The following PAPPA variants were observed in gnomAD, a reference collection of about 807,000 sequenced individuals.
The protein encoded by PAPPA is pappalysin-1.
A neutral mutation model predicts 164.0 loss-of-function variants in PAPPA; 60 were observed. The observed-to-expected ratio is 0.37, with a 90% CI of 0.30 to 0.45. PAPPA has a LOEUF of 0.45. PAPPA is among the 20% of genes least tolerant of loss of function. The pLI is 1.00. For synonymous variants in PAPPA, 875 were observed against 814.1 expected, an observed-to-expected ratio of 1.07 and a Z score of -1.27; for missense variants, 1,782 against 2,087.3, an observed-to-expected ratio of 0.85 and a Z score of 2.85.
intron 21 of PAPPA, among the ~76,000 whole-genome samples, chr9:116,383,733 G>T (rs1222078387): frequency 6.6e-6 from 1 of 152,212 alleles, no homozygotes; most frequent in Non-Finnish European, 1.5e-5. Flanking sequence ...GGATTGTCCA[G>T]GATCAGTCAG....
Position 116,359,299 on chromosome 9 carries a change from T to C in PAPPA, c.4348-3293T>C, listed in dbSNP as rs76391988. Among the ~76,000 whole-genome samples the C allele has an allele frequency of 6.6e-3, 1,008 of 152,334 alleles. 10 individuals are homozygous for C. The highest frequency in any genetic ancestry group is 0.023 in the African/African-American group (940 of 41,568). On this transcript the variant is annotated intron_variant, in intron 17 of 21. Coordinates refer to ENST00000328252, the MANE Select transcript of PAPPA (RefSeq NM_002581.5). ...ATGTTATAGGTGTTTGATAATATTA[T>C]TATATGCCTTCAGCTCTCCGTGGAT... is the stretch of plus-strand genomic sequence containing the variant.
At position 116,288,947 on chromosome 9, in the gene PAPPA, T is replaced by C. The variant is rs115503191; in HGVS notation, c.2954-13810T>C. The C allele has an allele frequency of 2.0e-3, 309 of 151,618 alleles. 1 individual carries two copies. The highest frequency in any genetic ancestry group is 7.2e-3 in the African/African-American group (297 of 41,324). The allele number at this position is 151,618 out of a possible 1,614,324, so 9.4% of individuals were successfully genotyped here. A position where few individuals can be genotyped will look rare whatever the true frequency, so the allele number is the denominator to read the frequency against. On this transcript the variant is annotated intron_variant, in intron 9 of 21. Transcript: ENST00000328252. ...CTTAGTCACAACCAGCTATGCCAGA[T>C]TGGGGTAACTGGCTTGGTTTTCATG...
Position 116,399,639 on chromosome 9 carries a change from A to C in PAPPA, c.*3023A>C, listed in dbSNP as rs1416614243. ...TGAGGTGGACAGTCCTCTAAGCCCT[A>C]TTTAGGGAAGCTTTTCCAAGCCACA... On this transcript the variant is annotated 3_prime_UTR_variant, in exon 22 of 22. Coordinates refer to ENST00000328252, the MANE Select transcript of PAPPA (RefSeq NM_002581.5). 5.2e-5 allele frequency: 8 copies of C among 152,570 alleles called. No individual in the cohort carries two copies. Among genetic ancestry groups the C allele is most frequent in the Non-Finnish European group, 1.2e-4 (8 of 68,026 alleles). The allele number at this position is 152,570 out of a possible 1,614,324, so 9.5% of individuals were successfully genotyped here.
chr9:116,313,815 G>C (rs1380448179), intron 10 of PAPPA, among the ~76,000 whole-genome samples: 1 of 152,102 alleles, frequency 6.6e-6, no homozygotes, highest in Non-Finnish European at 1.5e-5. Context: ...CTATTTGTGG[G>C]CATTGGGTTC....
At chr9:116,290,341 A>G (rs545993789) in intron 9 of PAPPA, among the ~76,000 whole-genome samples, 2 of 145,984 alleles carry the variant, frequency 1.4e-5, no homozygotes, top group African/African-American at 2.5e-5. Flanking sequence ...CTCGATCTTC[A>G]TTTTGCTGAT....
chr9:116,343,627 G>A (rs1395496057), intron 13 of PAPPA, among the ~76,000 whole-genome samples: 6 of 152,122 alleles, frequency 3.9e-5, no homozygotes, highest in African/African-American at 1.2e-4. Flanking sequence ...GTTGAGTCTC[G>A]TGGCTATATG....
intron 10 of PAPPA, among the ~76,000 whole-genome samples, chr9:116,330,612 CGTGTGTGTGTAGGG>C (rs1375151571): frequency 6.7e-6 from 1 of 148,446 alleles, no homozygotes; most frequent in Non-Finnish European, 1.5e-5. Context: ...TGTGTGTGTG[CGTGTGTGTGTAGGG>C]GTGTGTGTGT....
chr9:116,222,253 T>A (rs564935938), intron 5 of PAPPA, among the ~76,000 whole-genome samples: 2 of 152,186 alleles, frequency 1.3e-5, no homozygotes, highest in East Asian at 3.9e-4. Flanking sequence ...GTAAAGAAAA[T>A]GTGGTGTACA....
At chr9:116,382,369 T>A in intron 20 of PAPPA, 26 bp from the exon 21 acceptor site, 1 of 1,502,042 alleles carries the variant, frequency 6.7e-7, no homozygotes, top group Non-Finnish European at 9.3e-7. Flanking sequence ...CAAGGCCTCA[T>A]TTCCTCCTTC....
At chr9:116,279,673 G>A (rs920338900) in intron 9 of PAPPA, among the ~76,000 whole-genome samples, 2 of 152,168 alleles carry the variant, frequency 1.3e-5, no homozygotes, top group African/African-American at 4.8e-5. Flanking sequence ...GTGAATCTGG[G>A]TAGCCAAGAA....
At chr9:116,384,725 T>C (rs1349635198) in intron 21 of PAPPA, among the ~76,000 whole-genome samples, 8 of 152,208 alleles carry the variant, frequency 5.3e-5, no homozygotes, top group African/African-American at 1.7e-4. Flanking sequence ...TGTAAGCATA[T>C]TTAAGGCTCC....
At chr9:116,209,994 A>G (rs1844286971) in intron 3 of PAPPA, among the ~76,000 whole-genome samples, 1 of 152,108 alleles carries the variant, frequency 6.6e-6, no homozygotes, top group African/African-American at 2.4e-5. Flanking sequence ...CCCCAATCAA[A>G]CCCAATTTAT....
intron 4 of PAPPA, among the ~76,000 whole-genome samples, chr9:116,213,934 A>G (rs989923755): frequency 6.6e-6 from 1 of 152,188 alleles, no homozygotes; most frequent in Non-Finnish European, 1.5e-5. Context: ...ATGGAGAGCC[A>G]TGCATGGGAG....
intron 7 of PAPPA, among the ~76,000 whole-genome samples, chr9:116,236,366 C>T (rs2118747501): frequency 6.6e-6 from 1 of 152,106 alleles, no homozygotes. Flanking sequence ...AGGCGGGTCA[C>T]CTGAGGTCAG....
chr9:116,197,156 G>A (rs899515423), intron 2 of PAPPA, among the ~76,000 whole-genome samples: 19 of 152,200 alleles, frequency 1.2e-4, no homozygotes, highest in African/African-American at 4.3e-4. Context: ...TGTAAAATGG[G>A]AGGATTTGAG....
chr9:116,329,979 T>C (rs990523987), intron 10 of PAPPA, among the ~76,000 whole-genome samples: 1 of 152,262 alleles, frequency 6.6e-6, no homozygotes, highest in African/African-American at 2.4e-5. Context: ...TAGAAATGGA[T>C]ATTCTTAATC....
At chr9:116,175,125 T>A (rs927003760) in intron 1 of PAPPA, among the ~76,000 whole-genome samples, 1 of 152,164 alleles carries the variant, frequency 6.6e-6, no homozygotes, top group Non-Finnish European at 1.5e-5. Context: ...TCAAACCTAA[T>A]GACCACTGAT....
chr9:116,196,004 C>T (rs1844099687), intron 2 of PAPPA, among the ~76,000 whole-genome samples: 1 of 152,036 alleles, frequency 6.6e-6, no homozygotes, highest in South Asian at 2.1e-4. Flanking sequence ...AAAGCAAAGG[C>T]ATGTCTGGGA....
chr9:116,191,814 G>A (rs1844046221), intron 2 of PAPPA, among the ~76,000 whole-genome samples: 2 of 152,132 alleles, frequency 1.3e-5, no homozygotes. Context: ...TAATTAAGGA[G>A]AATTGAAGGA....
Sources: gnomAD v4.1 joint callset for allele counts (sites outside exome capture counted in the v4.1 genomes callset) on GRCh38, gnomAD v4.1.1 for gene constraint, MANE v1.5 for transcripts, NCBI Gene and HGNC (gene_info 2026-07-23, HGNC 2026-07-21) for gene names.